Variants in XXYLT1 observed in about 807,000 individuals in gnomAD.
The protein encoded by XXYLT1 is UDP-xylose:alpha-xyloside alpha-1,3-xylosyltransferase.
XXYLT1 carries 20 observed loss-of-function variants against 28.9 expected under a neutral mutation model. The observed-to-expected ratio is 0.69, with a 90% CI of 0.49 to 1.00. The LOEUF (loss-of-function observed/expected upper bound fraction) is 1.00. Ranked by LOEUF, XXYLT1 falls within the 50% of genes least tolerant of loss-of-function variation. The probability of loss-of-function intolerance (pLI) is 0.00; values close to 1 mark genes in which losing one functional copy is unlikely to be tolerated. For missense variants in XXYLT1, 542 were observed against 560.1 expected, an observed-to-expected ratio of 0.97 and a Z score of 0.33; for synonymous variants, 257 against 253.8, an observed-to-expected ratio of 1.01 and a Z score of -0.12.
chr3:195,086,183 A>G (rs758125880), intron 3 of XXYLT1, among the ~76,000 whole-genome samples: 1 of 152,058 alleles, frequency 6.6e-6, no homozygotes, highest in Non-Finnish European at 1.5e-5. Context: ...TCAGCACTCT[A>G]CAGCACTGTC....
intron 2 of XXYLT1, among the ~76,000 whole-genome samples, chr3:195,223,062 A>T (rs1723897593): frequency 6.7e-6 from 1 of 150,298 alleles, no homozygotes; most frequent in Admixed American, 6.6e-5. Context: ...CATCTCTACT[A>T]AAAATACAAA....
At chr3:195,193,837 T>C (rs192338109) in intron 2 of XXYLT1, among the ~76,000 whole-genome samples, 1 of 152,220 alleles carries the variant, frequency 6.6e-6, no homozygotes, top group East Asian at 1.9e-4. Context: ...GATATACAAA[T>C]GCAAAAAAAT....
At chr3:195,162,992 TG>T (rs961348459) in intron 2 of XXYLT1, among the ~76,000 whole-genome samples, 9 of 152,036 alleles carry the variant, frequency 5.9e-5, no homozygotes, top group South Asian at 2.1e-4. Flanking sequence ...TATAAGTTTT[TG>T]GTTTTTTTTT....
chr3:195,271,151 G>A lies in XXYLT1; in HGVS notation c.-93C>T, dbSNP rs549014150. The A allele has an allele frequency of 1.2e-5, 15 of 1,252,492 alleles. No individual in the cohort carries two copies. The highest frequency in any genetic ancestry group is 1.4e-5 in the Non-Finnish European group (14 of 998,866). The allele number at this position is 1,252,492 out of a possible 1,614,324, so 77.6% of individuals were successfully genotyped here. On this transcript the variant is annotated 5_prime_UTR_variant, in exon 1 of 4. Transcript: ENST00000310380. ...CGGCCACTTAGCCCCGGCGCCAGGC[G>A]GCGGCCATGAAAGGGGCGGGGCCGC...
In XXYLT1 at chr3:195,176,096, G is replaced by A. The variant is rs1388699883; in HGVS notation, c.653-19515C>T. ...TTTTGAGACAGGGTCTCACTCTATCGCCCAAGCTGGAGTGCAATGGCATGA... is the reference window on the plus strand; with the variant it reads ...TTTTGAGACAGGGTCTCACTCTATCACCCAAGCTGGAGTGCAATGGCATGA... On this transcript the variant is annotated intron_variant, in intron 2 of 3. Coordinates refer to ENST00000310380, the MANE Select transcript of XXYLT1 (RefSeq NM_152531.5). This position sits in a 1 kb window ranked among gnomAD's most constrained non-coding sequence, Gnocchi z 4.9. Among the ~76,000 whole-genome samples the A allele has an allele frequency of 3.3e-5, 5 of 151,770 alleles. No homozygotes were observed. The East Asian group carries it at 5.8e-4, about 18-fold the overall frequency.
intron 2 of XXYLT1, among the ~76,000 whole-genome samples, chr3:195,164,284 C>T (rs1205375291): frequency 6.6e-6 from 1 of 152,196 alleles, no homozygotes; most frequent in Admixed American, 6.5e-5. Context: ...TCCAGATCCC[C>T]TTTCCCTGTT....
At chr3:195,107,292 G>A (rs546834812) in intron 3 of XXYLT1, among the ~76,000 whole-genome samples, 1 of 151,550 alleles carries the variant, frequency 6.6e-6, no homozygotes, top group African/African-American at 2.4e-5. Context: ...TGACCAAGAT[G>A]GCGAAACCTC....
At chr3:195,121,612 A>G (rs1190012004) in intron 3 of XXYLT1, among the ~76,000 whole-genome samples, 4 of 152,082 alleles carry the variant, frequency 2.6e-5, no homozygotes, top group African/African-American at 7.2e-5. Context: ...CTCATCCCCA[A>G]ACCTCCTCTG....
At chr3:195,259,117 T>C (rs1037985103) in intron 1 of XXYLT1, among the ~76,000 whole-genome samples, 1 of 152,252 alleles carries the variant, frequency 6.6e-6, no homozygotes, top group East Asian at 1.9e-4. Context: ...AGCACAGCTG[T>C]GCTATCCCCA....
intron 2 of XXYLT1, among the ~76,000 whole-genome samples, chr3:195,189,361 A>C (rs1051305631): frequency 6.6e-6 from 1 of 152,212 alleles, no homozygotes; most frequent in Non-Finnish European, 1.5e-5. Flanking sequence ...CAGCAACAAC[A>C]ACCATTACAG....
intron 3 of XXYLT1, among the ~76,000 whole-genome samples, chr3:195,131,357 C>G (rs1400180628): frequency 1.3e-5 from 2 of 152,272 alleles, no homozygotes; most frequent in African/African-American, 4.8e-5. Context: ...GCTCCACATT[C>G]ATCAGCACCT....
intron 2 of XXYLT1, among the ~76,000 whole-genome samples, chr3:195,224,137 C>A (rs1482002977): frequency 6.6e-6 from 1 of 152,076 alleles, no homozygotes; most frequent in Non-Finnish European, 1.5e-5. Flanking sequence ...CCAACCTGGG[C>A]AACAAGAGCA....
chr3:195,206,854 C>T (rs1241679448), intron 2 of XXYLT1, among the ~76,000 whole-genome samples: 3 of 151,922 alleles, frequency 2.0e-5, no homozygotes, highest in African/African-American at 7.3e-5. Flanking sequence ...GGGGAGAAGG[C>T]GATGGGTGGG....
At chr3:195,212,054 G>A in intron 2 of XXYLT1, among the ~76,000 whole-genome samples, 1 of 142,564 alleles carries the variant, frequency 7.0e-6, no homozygotes, top group South Asian at 2.4e-4. Flanking sequence ...CCACCGGGAA[G>A]ATCTGGAGGA....
At chr3:195,179,743 C>T (rs1226993639) in intron 2 of XXYLT1, among the ~76,000 whole-genome samples, 1 of 152,078 alleles carries the variant, frequency 6.6e-6, no homozygotes, top group Non-Finnish European at 1.5e-5. Flanking sequence ...CAATTTCATC[C>T]TGCCCATGAG....
At chr3:195,183,866 G>GA (rs1722063945) in intron 2 of XXYLT1, among the ~76,000 whole-genome samples, 1 of 152,184 alleles carries the variant, frequency 6.6e-6, no homozygotes, top group Non-Finnish European at 1.5e-5. Flanking sequence ...TGAATGGTCA[G>GA]AAAAAAACTG....
At position 195,129,759 on chromosome 3, in the gene XXYLT1, C is replaced by T. The variant is rs1284279284; in HGVS notation, c.785+26690G>A. On this transcript the variant is annotated intron_variant, in intron 3 of 3. Coordinates refer to ENST00000310380, the MANE Select transcript of XXYLT1 (RefSeq NM_152531.5). This position sits in a 1 kb window ranked among gnomAD's most constrained non-coding sequence, Gnocchi z 4.4. ...GATTTCCACCGTTTGGCTATTATGACTCATGCTGATACGAACGTCCATTTG... is the reference window on the plus strand; with the variant it reads ...GATTTCCACCGTTTGGCTATTATGATTCATGCTGATACGAACGTCCATTTG... Among the ~76,000 whole-genome samples, 1 of 151,964 alleles carries T rather than the reference C, an allele frequency of 6.6e-6. No homozygotes were observed.
chr3:195,154,745 G>A (rs751300642), intron 3 of XXYLT1, among the ~76,000 whole-genome samples: 21 of 152,314 alleles, frequency 1.4e-4, no homozygotes, highest in African/African-American at 4.1e-4. Context: ...TCTCCCAAGT[G>A]TACTTTATTT....
chr3:195,190,490 T>A (rs1187156176), intron 2 of XXYLT1, among the ~76,000 whole-genome samples: 1 of 97,490 alleles, frequency 1.0e-5, no homozygotes, highest in Non-Finnish European at 1.8e-5. Context: ...TGAGACTCTG[T>A]CTCAAAAAAA....
Sources: allele counts gnomAD v4.1 joint callset (sites outside exome capture counted in the v4.1 genomes callset), GRCh38; gene constraint gnomAD v4.1.1; non-coding constraint Gnocchi (gnomAD v3.1); transcripts MANE v1.5; gene names NCBI Gene and HGNC (gene_info 2026-07-23, HGNC 2026-07-21).